SAMMSON: variants seen among roughly 807,000 people sequenced by gnomAD.
SAMMSON encodes the protein survival associated mitochondrial melanoma specific oncogenic non-coding RNA.
intron 4 of SAMMSON, among the ~76,000 whole-genome samples, chr3:70,153,615 A>T (rs556821885): frequency 3.3e-5 from 5 of 152,138 alleles, no homozygotes; most frequent in Non-Finnish European, 7.4e-5. Flanking sequence ...ATCAGGGAAA[A>T]CTACATTTAA....
chr3:70,133,938 G>A (rs1367384228), intron 4 of SAMMSON, among the ~76,000 whole-genome samples: 3 of 151,956 alleles, frequency 2.0e-5, no homozygotes, highest in Non-Finnish European at 4.4e-5. Context: ...ACCTTGCTAG[G>A]TGGTTGTAAA....
At chr3:70,378,124 G>GTTATATATAAT (rs1299986434) in intron 9 of SAMMSON, among the ~76,000 whole-genome samples, 1 of 150,948 alleles carries the variant, frequency 6.6e-6, no homozygotes, top group Non-Finnish European at 1.5e-5. Flanking sequence ...CTAGTATTTA[G>GTTATATATAAT]TTATATATAA....
Position 70,269,320 on chromosome 3 carries a change from C to T in SAMMSON, n.674+19650C>T, listed in dbSNP as rs549747151. On this transcript the variant is annotated intron_variant and non_coding_transcript_variant, in intron 6 of 9. Coordinates refer to ENST00000642114, the Ensembl canonical transcript of SAMMSON. ...GCTGGCTCATTATATATTTCACATT[C>T]GAGCTAAAGGTTTCTATGAATATAC... Among the ~76,000 whole-genome samples the T allele has an allele frequency of 1.1e-4, 16 of 152,226 alleles. 1 individual carries two copies. Among genetic ancestry groups the T allele is most frequent in the African/African-American group, 1.7e-4 (7 of 41,548 alleles).
At chr3:70,373,764 T>C (rs964556365) in intron 9 of SAMMSON, among the ~76,000 whole-genome samples, 7 of 152,210 alleles carry the variant, frequency 4.6e-5, no homozygotes, top group Middle Eastern at 3.2e-3. Context: ...AGTTTTTAAA[T>C]TTTAGTTATT....
intron 7 of SAMMSON, among the ~76,000 whole-genome samples, chr3:70,315,432 C>T (rs548259555): frequency 6.6e-6 from 1 of 152,210 alleles, no homozygotes; most frequent in Non-Finnish European, 1.5e-5. Flanking sequence ...TTGCTGCAGT[C>T]ATTCCTTATA....
At chr3:70,202,131 C>T (rs1220668637) in intron 4 of SAMMSON, among the ~76,000 whole-genome samples, 1 of 152,088 alleles carries the variant, frequency 6.6e-6, no homozygotes, top group African/African-American at 2.4e-5. Flanking sequence ...AGTGGTCTAT[C>T]TGATAGTGAT....
chr3:70,264,623 T>G (rs1701898720), intron 6 of SAMMSON, among the ~76,000 whole-genome samples: 2 of 152,250 alleles, frequency 1.3e-5, no homozygotes. Flanking sequence ...CATCAACAAA[T>G]GTTTACTGAG....
chr3:70,425,078 C>T (rs1479712199), intron 2 of SAMMSON: 1 of 152,236 alleles, frequency 6.6e-6, no homozygotes, highest in African/African-American at 2.4e-5. Flanking sequence ...GAAGAAGGAA[C>T]ATTTATAGGA....
At chr3:70,130,320 G>A (rs561157017) in intron 4 of SAMMSON, among the ~76,000 whole-genome samples, 1 of 152,328 alleles carries the variant, frequency 6.6e-6, no homozygotes, top group South Asian at 2.1e-4. Context: ...ACTTTGAGTT[G>A]ATGCTGCAAT....
chr3:70,061,109 G>A (rs995160119), intron 3 of SAMMSON, among the ~76,000 whole-genome samples: 3 of 151,960 alleles, frequency 2.0e-5, no homozygotes, highest in Non-Finnish European at 4.4e-5. Flanking sequence ...GAGAGGGAAG[G>A]CCATTCCAAA....
At chr3:70,355,455 G>C (rs893630501) in intron 8 of SAMMSON, among the ~76,000 whole-genome samples, 3 of 151,860 alleles carry the variant, frequency 2.0e-5, no homozygotes, top group African/African-American at 7.3e-5. Context: ...AACAAAAACA[G>C]GGTGTTATTT....
At chr3:70,215,257 C>T (rs1285253980) in intron 4 of SAMMSON, among the ~76,000 whole-genome samples, 1 of 152,056 alleles carries the variant, frequency 6.6e-6, no homozygotes, top group Admixed American at 6.6e-5. Context: ...CAAGATTACC[C>T]CGCTGGTAAG....
At chr3:70,307,949 C>T (rs768562800) in intron 7 of SAMMSON, among the ~76,000 whole-genome samples, 1 of 152,220 alleles carries the variant, frequency 6.6e-6, no homozygotes, top group Non-Finnish European at 1.5e-5. Flanking sequence ...TGCATCACCT[C>T]CTTCTCTCCA....
intron 1 of SAMMSON, among the ~76,000 whole-genome samples, chr3:70,005,277 A>G (rs1055614284): frequency 1.3e-5 from 2 of 152,134 alleles, no homozygotes; most frequent in Admixed American, 1.3e-4. Flanking sequence ...TAGTGGCTTA[A>G]AAAGATAATA....
chr3:70,135,564 G>A (rs1198126994), intron 4 of SAMMSON, among the ~76,000 whole-genome samples: 1 of 152,160 alleles, frequency 6.6e-6, no homozygotes, highest in Non-Finnish European at 1.5e-5. Context: ...TCTCATTAAA[G>A]TGATTGATGC....
At chr3:70,411,001 C>A (rs1701213918) in intron 2 of SAMMSON, among the ~76,000 whole-genome samples, 1 of 152,126 alleles carries the variant, frequency 6.6e-6, no homozygotes, top group South Asian at 2.1e-4. Flanking sequence ...TTATTATATC[C>A]AAGAAGCCAA....
chr3:70,170,054 T>G (rs987599378), intron 4 of SAMMSON, among the ~76,000 whole-genome samples: 5 of 151,946 alleles, frequency 3.3e-5, no homozygotes, highest in Non-Finnish European at 7.4e-5. Flanking sequence ...CAGTTATGTG[T>G]ATTAAATACT....
chr3:70,047,149 G>A (rs548388284), intron 3 of SAMMSON, among the ~76,000 whole-genome samples: 2 of 152,166 alleles, frequency 1.3e-5, no homozygotes, highest in South Asian at 2.1e-4. Flanking sequence ...TCATTTTTTA[G>A]TTGATGCCTC....
intron 4 of SAMMSON, among the ~76,000 whole-genome samples, chr3:70,128,902 A>C (rs1449845137): frequency 1.3e-5 from 2 of 152,242 alleles, no homozygotes; most frequent in Non-Finnish European, 2.9e-5. Context: ...GAAAAGTATG[A>C]AAAATTTAGA....
Sources: allele counts gnomAD v4.1 joint callset (sites outside exome capture counted in the v4.1 genomes callset), GRCh38; gene constraint gnomAD v4.1.1; transcripts MANE v1.5; gene names NCBI Gene and HGNC (gene_info 2026-07-23, HGNC 2026-07-21).